BCL9: variants seen among roughly 807,000 people sequenced by gnomAD.
BCL9 encodes BCL9 transcription coactivator.
BCL9 carries 25 observed loss-of-function variants against 88.5 expected under a neutral mutation model. The ratio of observed to expected loss-of-function variants is 0.28; its 90% CI spans 0.21 to 0.39. BCL9 has a LOEUF of 0.39. Among genes scored for constraint, BCL9 ranks in the 10% least tolerant of loss-of-function variants. The pLI is 1.00. For synonymous variants in BCL9, 711 were observed against 673.3 expected (o/e 1.06, Z -0.87); for missense variants, 1,817 against 1,877.8 (o/e 0.97, Z 0.60).
chr1:147,622,190 T>A, intron 8 of BCL9, 81 bp from the exon 9 acceptor site: 1 of 1,548,392 alleles, frequency 6.5e-7, no homozygotes, highest in South Asian at 1.2e-5. Flanking sequence ...CTGGCCTTGC[T>A]AGTTCATAAT....
intron 1 of BCL9, among the ~76,000 whole-genome samples, chr1:147,564,741 C>G (rs1267915043): frequency 1.3e-5 from 2 of 152,106 alleles, no homozygotes; most frequent in African/African-American, 4.8e-5. Context: ...TAAATGTGCT[C>G]TATTTGTGAA....
At chr1:147,570,047 G>A (rs1448617278) in intron 1 of BCL9, among the ~76,000 whole-genome samples, 1 of 152,218 alleles carries the variant, frequency 6.6e-6, no homozygotes, top group Non-Finnish European at 1.5e-5. Context: ...GGAGCTTGTG[G>A]TTGGAAAAAT....
intron 1 of BCL9, among the ~76,000 whole-genome samples, chr1:147,556,284 AT>A (rs113247802): frequency 1.4e-5 from 2 of 143,170 alleles, no homozygotes; most frequent in African/African-American, 2.6e-5. Context: ...ACTCCTGACT[AT>A]TTTTTTTTTT....
In BCL9 at chr1:147,614,536, A is replaced by G. The variant is rs1553203463; in HGVS notation, c.480A>G (p.Gln160=). 1 of 1,613,976 alleles carries G rather than the reference A, an allele frequency of 6.2e-7. No individual in the cohort carries two copies. The highest frequency in any genetic ancestry group is 1.7e-5 in the Admixed American group (1 of 60,004). Residue 160 remains glutamine (Q), a synonymous_variant, in exon 6 of 10, where the codon CAA becomes CAG. Coordinates refer to ENST00000234739, the MANE Select transcript of BCL9 (RefSeq NM_004326.4). ...GGTCTTCTACCCCCTCCCATGGCCAAACTACTGCCACAGAGCCCACACCTG... is the reference window on the plus strand; with the variant it reads ...GGTCTTCTACCCCCTCCCATGGCCAGACTACTGCCACAGAGCCCACACCTG... ...APRSSTPSHG[Q]TTATEPTPAQ...
In BCL9 at chr1:147,624,466, C is replaced by T; in HGVS notation, c.3788C>T (p.Pro1263Leu). ...PRGEVPGRKQ[P>L]QGPGPGFSHM... ...GGGGAAGTTCCAGGCCGTAAACAGC[C>T]CCAGGGTCCTGGACCTGGGTTTTCA... Residue 1263 changes from proline (P) to leucine (L), a missense_variant, in exon 10 of 10, where the codon CCC becomes CTC. By Grantham distance (98) the Pro-to-Leu change is moderately conservative. Coordinates refer to ENST00000234739, the MANE Select transcript of BCL9 (RefSeq NM_004326.4). This position sits in a 1 kb window ranked among gnomAD's most constrained non-coding sequence, Gnocchi z 4.4. 6.2e-7 allele frequency: 1 copy of T among 1,614,218 alleles called. No individual in the cohort carries two copies. Among genetic ancestry groups the T allele is most frequent in the Non-Finnish European group, 8.5e-7 (1 of 1,180,032 alleles).
intron 1 of BCL9, among the ~76,000 whole-genome samples, chr1:147,552,176 A>G (rs1008027058): frequency 5.9e-5 from 9 of 152,208 alleles, no homozygotes; most frequent in Non-Finnish European, 1.0e-4. Context: ...GAATTGGGGA[A>G]CACTTCATGA....
chr1:147,550,247 G>C (rs2101470492), intron 1 of BCL9, among the ~76,000 whole-genome samples: 1 of 152,200 alleles, frequency 6.6e-6, no homozygotes, highest in Non-Finnish European at 1.5e-5. Context: ...TTGTCACTTG[G>C]TATAAAACTG....
intron 1 of BCL9, among the ~76,000 whole-genome samples, chr1:147,584,386 CT>C (rs55842254): frequency 1.3e-5 from 2 of 151,912 alleles, no homozygotes; most frequent in South Asian, 2.1e-4. Context: ...CCCTCTGTAA[CT>C]TTTTTTTCTT....
At chr1:147,565,915 C>T (rs1201529680) in intron 1 of BCL9, among the ~76,000 whole-genome samples, 2 of 152,124 alleles carry the variant, frequency 1.3e-5, no homozygotes, top group Non-Finnish European at 2.9e-5. Flanking sequence ...ATCCTCTTAC[C>T]AGAGGCCAGC....
chr1:147,615,747 A>T, intron 6 of BCL9, 56 bp from the exon 7 acceptor site: 1 of 1,410,014 alleles, frequency 7.1e-7, no homozygotes, highest in Non-Finnish European at 1.0e-6. Flanking sequence ...CTTTGGAATT[A>T]CAGTTAGTGA....
In BCL9 at chr1:147,619,744, G is replaced by T. The variant is rs1553204733; in HGVS notation, c.1589G>T (p.Gly530Val). ...CCTAGTGAAGGCTGGGCACCTGGGG[G>T]TACAGAGCCATTTTCTGATGGTATC... ...MTPSEGWAPG[G>V]TEPFSDGINM... is the part of the protein sequence containing the mutation. Residue 530 changes from glycine to valine, a missense_variant, in exon 8 of 10, where the codon GGT (glycine) becomes GTT (valine). This residue lies in a region of BCL9 where 1,228 missense variants were observed against 1,191.6 expected (regional missense o/e 1.03). Transcript: ENST00000234739. The surrounding 1 kb of genome is among the most constrained non-coding windows in gnomAD (Gnocchi z 4.1). The T allele has an allele frequency of 1.2e-6, 2 of 1,614,060 alleles. No homozygotes were observed. Among genetic ancestry groups the T allele is most frequent in the South Asian group, 1.1e-5 (1 of 91,080 alleles).
chr1:147,561,837 T>C (rs587723122), intron 1 of BCL9, among the ~76,000 whole-genome samples: 2 of 152,260 alleles, frequency 1.3e-5, no homozygotes, highest in Admixed American at 1.3e-4. Flanking sequence ...GAGAGTGTCA[T>C]GGAGATGGTA....
intron 1 of BCL9, among the ~76,000 whole-genome samples, chr1:147,591,173 G>A (rs1656827976): frequency 6.6e-6 from 1 of 152,014 alleles, no homozygotes; most frequent in African/African-American, 2.4e-5. Context: ...TCAGGATAAT[G>A]CTGTCAGGAT....
rs191653348 is a variant in BCL9 at position 147,617,117 on chromosome 1, C to T, written c.660+1215C>T. 1.4e-3 allele frequency among the ~76,000 whole-genome samples: 217 copies of T among 152,314 alleles called. 2 individuals carry two copies. Among genetic ancestry groups the T allele is most frequent in the Admixed American group, 0.012 (186 of 15,302 alleles). ...GAAAAGGAATTTCATATTCCCCATG[C>T]ATCTTGACTACTCAAGGGTAGAAGA... is the stretch of plus-strand genomic sequence containing the variant. On this transcript the variant is annotated intron_variant, in intron 7 of 9. Transcript: ENST00000234739.
chr1:147,620,390 G>C lies in BCL9; in HGVS notation c.2235G>C (p.Glu745Asp), dbSNP rs782555534. 1 of 1,613,882 alleles carries C rather than the reference G, an allele frequency of 6.2e-7. No individual in the cohort carries two copies. The highest frequency in any genetic ancestry group is 8.5e-7 in the Non-Finnish European group (1 of 1,179,962). ...QKMREAGAGPEEMLKLRPGGS... is the reference protein window; with the variant it reads ...QKMREAGAGPDEMLKLRPGGS... ...TGAGAGAGGCTGGGGCGGGCCCTGAGGAGATGCTGAAATTACGCCCAGGTG... is the reference window on the plus strand; with the variant it reads ...TGAGAGAGGCTGGGGCGGGCCCTGACGAGATGCTGAAATTACGCCCAGGTG... The change falls in exon 8 of 10, where the codon GAG (glutamate) becomes GAC (aspartate). Residue 745 changes from glutamate (E) to aspartate (D), a missense_variant. Physicochemically the swap from Glu to Asp is conservative, Grantham distance 45. Transcript: ENST00000234739.
chr1:147,609,414 G>A (rs1011303402), intron 3 of BCL9, among the ~76,000 whole-genome samples: 1 of 152,140 alleles, frequency 6.6e-6, no homozygotes, highest in Non-Finnish European at 1.5e-5. Context: ...TTCAACCTCT[G>A]TGCTGTCTCT....
intron 3 of BCL9, among the ~76,000 whole-genome samples, chr1:147,610,433 A>G (rs1327794290): frequency 6.6e-6 from 1 of 152,178 alleles, no homozygotes; most frequent in Non-Finnish European, 1.5e-5. Flanking sequence ...GAAGAAATAG[A>G]CCTTTAACAT....
In BCL9 at chr1:147,620,173, A is replaced by G. The variant is rs1324456379; in HGVS notation, c.2018A>G (p.Asn673Ser). 6.2e-7 allele frequency: 1 copy of G among 1,614,152 alleles called. No individual in the cohort carries two copies. Among genetic ancestry groups the G allele is most frequent in the Non-Finnish European group, 8.5e-7 (1 of 1,179,996 alleles). Residue 673 changes from asparagine (N) to serine (S), a missense_variant, in exon 8 of 10, where the codon AAT (asparagine) becomes AGT (serine). Physicochemically the swap from Asn to Ser is conservative, Grantham distance 46 (BLOSUM62 1). Around this residue, in one of 2 missense-constraint regions of BCL9, gnomAD observed 1,228 missense variants for 1,191.6 expected, o/e 1.03. Coordinates refer to ENST00000234739, the MANE Select transcript of BCL9 (RefSeq NM_004326.4). ...TCCCAGCGCCACATGGAGCCTGGGA[A>G]TAACCCCATTTTCCCTCGAATACCA... Reference protein sequence around the residue: ...PGSQRHMEPGNNPIFPRIPVE... With the variant: ...PGSQRHMEPGSNPIFPRIPVE...
Position 147,624,098 on chromosome 1 carries a change from C to G in BCL9, c.3420C>G (p.Gly1140=), listed in dbSNP as rs782375318. Residue 1140 remains glycine, a synonymous_variant, in exon 10 of 10, where the codon GGC becomes GGG. Coordinates refer to ENST00000234739, the MANE Select transcript of BCL9 (RefSeq NM_004326.4). The surrounding 1 kb of genome is among the most constrained non-coding windows in gnomAD (Gnocchi z 4.4). ...VPQGRMGFPQ[G]FPPVQSPPQQ... The stretch of plus-strand genomic sequence containing the variant: ...AAGGACGGATGGGCTTCCCCCAGGG[C>G]TTCCCTCCAGTACAGTCTCCCCCAC... 6.2e-7 allele frequency: 1 copy of G among 1,607,670 alleles called. No homozygotes were observed. The highest frequency in any genetic ancestry group is 8.5e-7 in the Non-Finnish European group (1 of 1,176,022).
Sources: allele counts gnomAD v4.1 joint callset (sites outside exome capture counted in the v4.1 genomes callset), GRCh38; gene constraint gnomAD v4.1.1; regional missense constraint gnomAD v4.1.1; non-coding constraint Gnocchi (gnomAD v3.1); transcripts MANE v1.5; gene names NCBI Gene and HGNC (gene_info 2026-07-23, HGNC 2026-07-21).